The following WDR7 variants were observed in gnomAD, a reference collection of about 807,000 sequenced individuals.
The protein encoded by WDR7 is WD repeat-containing protein 7.
In WDR7, 46 loss-of-function variants were observed where a neutral mutation model predicts 169.4. That is an observed-to-expected ratio of 0.27 (90% CI 0.21 to 0.35). The LOEUF is 0.35. Ranked by LOEUF, WDR7 falls within the 10% of genes least tolerant of loss-of-function variation. The pLI is 1.00. For missense variants in WDR7, 1,534 were observed against 1,859.3 expected (o/e 0.83, Z 3.22); for synonymous variants, 612 against 666.8 (o/e 0.92, Z 1.27).
At chr18:56,826,506 A>G (rs550790603) in intron 20 of WDR7, among the ~76,000 whole-genome samples, 1 of 152,316 alleles carries the variant, frequency 6.6e-6, no homozygotes, top group South Asian at 2.1e-4. Context: ...GTCACTTGCA[A>G]GTGTAAAAGC....
chr18:56,782,752 CT>C (rs1237068181), intron 19 of WDR7, among the ~76,000 whole-genome samples: 1 of 152,034 alleles, frequency 6.6e-6, no homozygotes, highest in Non-Finnish European at 1.5e-5. Context: ...AGGTTTATAA[CT>C]TTTATATCTG....
intron 19 of WDR7, among the ~76,000 whole-genome samples, chr18:56,803,445 A>G (rs1215374779): frequency 6.6e-6 from 1 of 152,184 alleles, no homozygotes; most frequent in African/African-American, 2.4e-5. Flanking sequence ...GCAGTGAAAG[A>G]AAATAAGATA....
intron 20 of WDR7, among the ~76,000 whole-genome samples, chr18:56,839,704 A>G (rs961815943): frequency 5.3e-5 from 8 of 152,156 alleles, no homozygotes; most frequent in Non-Finnish European, 8.8e-5. Context: ...AATTAGATGT[A>G]TCTGGTATGA....
intron 26 of WDR7, among the ~76,000 whole-genome samples, chr18:56,986,036 G>C (rs2047712858): frequency 6.6e-6 from 1 of 151,938 alleles, no homozygotes; most frequent in Non-Finnish European, 1.5e-5. Flanking sequence ...AAGTTGTTTA[G>C]AGTGTTTTCA....
chr18:56,961,153 A>G (rs2047333888), intron 25 of WDR7, among the ~76,000 whole-genome samples: 1 of 152,136 alleles, frequency 6.6e-6, no homozygotes, highest in African/African-American at 2.4e-5. Flanking sequence ...TATGAATGTC[A>G]TAGTGTCTGC....
chr18:56,995,397 G>A (rs2047884741), intron 26 of WDR7, among the ~76,000 whole-genome samples: 1 of 152,158 alleles, frequency 6.6e-6, no homozygotes, highest in African/African-American at 2.4e-5. Context: ...ATCTATTAGG[G>A]TTGGGGAAGG....
intron 25 of WDR7, among the ~76,000 whole-genome samples, chr18:56,946,166 A>G (rs1430829244): frequency 6.6e-6 from 1 of 152,178 alleles, no homozygotes; most frequent in East Asian, 1.9e-4. Flanking sequence ...ACATCCCTAG[A>G]TTGGGTGAAA....
the WDR7 span, chr18:57,035,984 T>C: frequency 6.6e-6 from 1 of 152,310 alleles, no homozygotes; most frequent in South Asian, 2.1e-4. Context: ...TCAGACCCCT[T>C]GTGGATGAGA....
At chr18:56,972,860 T>G (rs1432392449) in intron 26 of WDR7, among the ~76,000 whole-genome samples, 1 of 152,092 alleles carries the variant, frequency 6.6e-6, no homozygotes, top group African/African-American at 2.4e-5. Context: ...TTTGTTTTGT[T>G]TTTTGTGTTT....
intron 19 of WDR7, among the ~76,000 whole-genome samples, chr18:56,811,813 C>T (rs1432674101): frequency 6.6e-6 from 1 of 152,084 alleles, no homozygotes; most frequent in African/African-American, 2.4e-5. Flanking sequence ...TTTCTTGGTT[C>T]TCTATTCTGT....
intron 27 of WDR7, among the ~76,000 whole-genome samples, chr18:57,024,853 C>T (rs28667773): frequency 0.011 from 119 of 10,990 alleles, 3 homozygotes; most frequent in East Asian, 0.057. Context: ...ATGTCCCTTA[C>T]AGGATTTCAC....
chr18:56,748,037 T>C (rs1181809341), intron 14 of WDR7, among the ~76,000 whole-genome samples: 1 of 152,188 alleles, frequency 6.6e-6, no homozygotes, highest in African/African-American at 2.4e-5. Context: ...GGGTGTGTTA[T>C]ACTAGGAGCT....
At chr18:56,704,603 C>A (rs1210325559) in intron 12 of WDR7, among the ~76,000 whole-genome samples, 2 of 152,074 alleles carry the variant, frequency 1.3e-5, no homozygotes, top group Non-Finnish European at 2.9e-5. Context: ...ATTTTAATGG[C>A]AAAACTGCAA....
chr18:56,965,267 G>A (rs1003330793), intron 26 of WDR7, among the ~76,000 whole-genome samples: 2 of 152,118 alleles, frequency 1.3e-5, no homozygotes, highest in Non-Finnish European at 2.9e-5. Context: ...GAATCACACT[G>A]AAACGCAAGA....
chr18:56,771,604 G>T (rs887811461), intron 16 of WDR7, among the ~76,000 whole-genome samples: 1 of 142,020 alleles, frequency 7.0e-6, no homozygotes, highest in East Asian at 2.2e-4. Flanking sequence ...AATACTGGCC[G>T]GGCACGGTGG....
At position 56,731,600 on chromosome 18, in the gene WDR7, A is replaced by C; in HGVS notation, c.1989+3A>C. ...TGGCTTCTGAGGCATCTGACAAGGT[A>C]AGTTTTATATGTGGGCCCATGAAGT... On this transcript the variant is annotated splice_donor_region_variant and intron_variant, in intron 14 of 27. Transcript: ENST00000254442. 6.2e-7 allele frequency: 1 copy of C among 1,613,538 alleles called. No homozygotes were observed. Among genetic ancestry groups the C allele is most frequent in the South Asian group, 1.1e-5 (1 of 91,056 alleles).
At chr18:56,940,909 T>G (rs1285970458) in intron 25 of WDR7, among the ~76,000 whole-genome samples, 1 of 152,218 alleles carries the variant, frequency 6.6e-6, no homozygotes, top group Non-Finnish European at 1.5e-5. Flanking sequence ...CACCTTAGTC[T>G]GCTGCATATG....
intron 26 of WDR7, among the ~76,000 whole-genome samples, chr18:56,963,684 T>C (rs140144800): frequency 3.3e-5 from 5 of 152,254 alleles, no homozygotes; most frequent in African/African-American, 1.2e-4. Context: ...TCAAATTTTG[T>C]TTGTGATTTT....
chr18:56,940,902 C>T (rs566862051), intron 25 of WDR7, among the ~76,000 whole-genome samples: 4 of 152,156 alleles, frequency 2.6e-5, no homozygotes, highest in Non-Finnish European at 5.9e-5. Flanking sequence ...CTAAAACCAC[C>T]TTAGTCTGCT....
Sources: gnomAD v4.1 joint callset for allele counts (sites outside exome capture counted in the v4.1 genomes callset) on GRCh38, gnomAD v4.1.1 for gene constraint, MANE v1.5 for transcripts, NCBI Gene and HGNC (gene_info 2026-07-23, HGNC 2026-07-21) for gene names.